SLC6A11: variants seen among roughly 807,000 people sequenced by gnomAD.
The protein encoded by SLC6A11 is solute carrier family 6 member 11.
In SLC6A11, 25 loss-of-function variants were observed where a neutral mutation model predicts 74.8. The observed-to-expected ratio is 0.33, with a 90% CI of 0.24 to 0.47. The LOEUF (loss-of-function observed/expected upper bound fraction) is 0.47, where lower values mean the gene tolerates loss of function less well. SLC6A11 is among the 20% of genes least tolerant of loss of function. The probability of loss-of-function intolerance (pLI) is 1.00; values close to 1 mark genes in which losing one functional copy is unlikely to be tolerated. For synonymous variants in SLC6A11, 330 were observed against 330.2 expected (o/e 1.00, Z 0.01); for missense variants, 574 against 837.0 (o/e 0.69, Z 3.88).
At chr3:10,872,069 C>T (rs549464559) in intron 5 of SLC6A11, among the ~76,000 whole-genome samples, 1 of 152,272 alleles carries the variant, frequency 6.6e-6, no homozygotes, top group South Asian at 2.1e-4. Flanking sequence ...AAAATCTCAT[C>T]TCTAAAATGG....
intron 4 of SLC6A11, among the ~76,000 whole-genome samples, chr3:10,825,934 T>C (rs1206870156): frequency 6.6e-6 from 1 of 152,262 alleles, no homozygotes; most frequent in African/African-American, 2.4e-5. Context: ...CTGTAAGCCT[T>C]GAGCCTGTAA....
At chr3:10,842,535 G>T (rs1694451283) in intron 4 of SLC6A11, among the ~76,000 whole-genome samples, 1 of 152,198 alleles carries the variant, frequency 6.6e-6, no homozygotes, top group Admixed American at 6.5e-5. Context: ...TAAAGCCAAA[G>T]ACTGCTAAGA....
chr3:10,904,900 T>C (rs1045431417), intron 6 of SLC6A11, among the ~76,000 whole-genome samples: 3 of 152,224 alleles, frequency 2.0e-5, no homozygotes, highest in Middle Eastern at 3.2e-3. Flanking sequence ...CAATAATACT[T>C]ACCTAGTAAG....
chr3:10,938,367 A>C lies in SLC6A11; in HGVS notation c.1864A>C (p.Ile622Leu). The C allele has an allele frequency of 6.2e-7, 1 of 1,609,974 alleles. No individual in the cohort carries two copies. The highest frequency in any genetic ancestry group is 1.1e-5 in the South Asian group (1 of 90,714). ...TGCCAAACTCAAGAGTGACGGGACC[A>C]TCGCAGCCATCACAGAGAAGGAGAC... ...CDAKLKSDGT[I>L]AAITEKETHF The change falls in exon 14 of 14, where the codon ATC becomes CTC. Residue 622 changes from isoleucine to leucine, a missense_variant. Around this residue, in one of 4 missense-constraint regions of SLC6A11, gnomAD observed 257 missense variants for 341.5 expected, o/e 0.75. Transcript: ENST00000254488.
intron 4 of SLC6A11, among the ~76,000 whole-genome samples, chr3:10,835,347 C>T (rs1413735155): frequency 6.6e-6 from 1 of 152,200 alleles, no homozygotes; most frequent in Non-Finnish European, 1.5e-5. Flanking sequence ...CTTCCCACCA[C>T]GTGGGATCCA....
intron 6 of SLC6A11, among the ~76,000 whole-genome samples, chr3:10,893,833 G>T (rs1402651408): frequency 6.6e-6 from 1 of 152,018 alleles, no homozygotes; most frequent in Non-Finnish European, 1.5e-5. Flanking sequence ...TTTATTTTTT[G>T]ATACACTTCA....
chr3:10,926,064 TG>T lies in SLC6A11; in HGVS notation c.1182del (p.Trp395GlyfsTer7). ...KAVTMMPLSPLWATLFFMMLI... is the reference protein window; with the variant it reads ...KAVTMMPLSPXWATLFFMMLI... Reference sequence around the variant, plus strand: ...GTCACCATGATGCCTCTCTCCCCGCTGTGGGCCACCTTGTTCTTCATGATGC... The same window carrying T: ...GTCACCATGATGCCTCTCTCCCCGCTTGGGCCACCTTGTTCTTCATGATGC... On this transcript the variant is annotated frameshift_variant, in exon 9 of 14. Transcript: ENST00000254488. LOFTEE classifies it high-confidence loss of function. This position sits in a 1 kb window ranked among gnomAD's most constrained non-coding sequence, Gnocchi z 5.7. 1 of 1,613,790 alleles carries T rather than the reference TG, an allele frequency of 6.2e-7. No homozygotes were observed. Among genetic ancestry groups the T allele is most frequent in the Non-Finnish European group, 8.5e-7 (1 of 1,179,756 alleles).
chr3:10,856,912 C>T (rs142133044), intron 5 of SLC6A11, among the ~76,000 whole-genome samples: 1,604 of 152,290 alleles, frequency 0.011, 57 homozygotes, highest in South Asian at 0.099. Context: ...AAACCCCCAC[C>T]TCACGGGTTG....
chr3:10,873,991 C>CTAT lies in SLC6A11; in HGVS notation c.757-970_757-969insTAT, dbSNP rs1694877199. Among the ~76,000 whole-genome samples the CTAT allele has an allele frequency of 9.2e-4, 126 of 136,470 alleles. 4 individuals carry two copies. In the East Asian group the frequency reaches 0.021, roughly 23 times the overall value. The allele number at this position is 136,470 out of a possible 152,430, so 89.5% of individuals were successfully genotyped here. The stretch of plus-strand genomic sequence containing the variant: ...TGCTATGCTACGCTACGCTACGCTA[C>CTAT]GCTATGCTATGCTATGCTATGCTAT... On this transcript the variant is annotated intron_variant, in intron 5 of 13. Transcript: ENST00000254488.
chr3:10,887,595 G>A (rs762233032), intron 6 of SLC6A11, among the ~76,000 whole-genome samples: 12 of 152,092 alleles, frequency 7.9e-5, no homozygotes, highest in Non-Finnish European at 1.5e-4. Flanking sequence ...ACAGCTGTGC[G>A]CCTCCACATC....
chr3:10,902,855 G>A (rs750904719), intron 6 of SLC6A11, among the ~76,000 whole-genome samples: 1 of 152,230 alleles, frequency 6.6e-6, no homozygotes, highest in Non-Finnish European at 1.5e-5. Context: ...ACGCTGGCCA[G>A]TGTGTACATT....
intron 5 of SLC6A11, among the ~76,000 whole-genome samples, chr3:10,863,422 G>C (rs968039143): frequency 2.6e-5 from 4 of 152,236 alleles, no homozygotes; most frequent in Admixed American, 1.3e-4. Context: ...TTCATCTGCT[G>C]CATTGCTATC....
intron 10 of SLC6A11, 126 bp from the exon 11 acceptor site, chr3:10,933,025 G>A (rs1695711056): frequency 1.3e-5 from 9 of 707,106 alleles, no homozygotes; most frequent in Non-Finnish European, 2.5e-6. Context: ...AGACTAGGGA[G>A]AAACAGATTC....
Position 10,938,482 on chromosome 3 carries a change from C to G in SLC6A11, c.*80C>G, listed in dbSNP as rs1695785271. ...TGAATTCCTGAACCCCATACTTCAC[C>G]TAATGGTAGGGGCTTGCTTGTTTTG... On this transcript the variant is annotated 3_prime_UTR_variant, in exon 14 of 14. Coordinates refer to ENST00000254488, the MANE Select transcript of SLC6A11 (RefSeq NM_014229.3). The G allele has an allele frequency of 2.1e-6, 3 of 1,421,858 alleles. No homozygotes were observed. The highest frequency in any genetic ancestry group is 4.6e-5 in the East Asian group (2 of 43,254). 88.1% of individuals were successfully genotyped at this position (1,421,858 alleles called of 1,614,324 possible).
intron 13 of SLC6A11, chr3:10,935,531 A>G (rs576403106): frequency 4.0e-6 from 1 of 251,702 alleles, no homozygotes; most frequent in East Asian, 9.8e-5. Context: ...AGAGGGTAAC[A>G]AGTGTTAGCG....
chr3:10,872,880 TG>T (rs1221856014), intron 5 of SLC6A11, among the ~76,000 whole-genome samples: 1 of 152,214 alleles, frequency 6.6e-6, no homozygotes, highest in Non-Finnish European at 1.5e-5. Context: ...CATGCGTATC[TG>T]CATCTGAGCA....
intron 4 of SLC6A11, among the ~76,000 whole-genome samples, chr3:10,832,335 G>C (rs1694308588): frequency 6.6e-6 from 1 of 152,054 alleles, no homozygotes; most frequent in African/African-American, 2.4e-5. Context: ...GGGTTTGGGG[G>C]AGCAGGAGGA....
intron 6 of SLC6A11, among the ~76,000 whole-genome samples, chr3:10,887,493 T>A (rs1479021676): frequency 2.0e-5 from 3 of 152,228 alleles, no homozygotes; most frequent in African/African-American, 7.2e-5. Context: ...TCACCCAGGC[T>A]GGAGTACAAT....
intron 5 of SLC6A11, 126 bp downstream of exon 5, chr3:10,844,472 C>G (rs539240985): frequency 2.6e-6 from 3 of 1,169,398 alleles, no homozygotes; most frequent in African/African-American, 1.5e-5. Context: ...GGGAGGAACA[C>G]TGGACCAGAG....
Sources: allele counts gnomAD v4.1 joint callset (sites outside exome capture counted in the v4.1 genomes callset), GRCh38; gene constraint gnomAD v4.1.1; regional missense constraint gnomAD v4.1.1; non-coding constraint Gnocchi (gnomAD v3.1); transcripts MANE v1.5; gene names NCBI Gene and HGNC (gene_info 2026-07-23, HGNC 2026-07-21).